ANK3: variants seen among roughly 807,000 people sequenced by gnomAD.
ANK3 encodes ankyrin 3.
Under a neutral mutation model 370.9 loss-of-function variants are expected in ANK3, and 57 were observed. The observed-to-expected ratio is 0.15, with a 90% confidence interval of 0.12 to 0.19. ANK3 has a LOEUF of 0.19. Ranked by LOEUF, ANK3 falls within the 10% of genes least tolerant of loss-of-function variation. The probability of loss-of-function intolerance (pLI) is 1.00; values close to 1 mark genes in which losing one functional copy is unlikely to be tolerated. For synonymous variants in ANK3, 1,929 were observed against 1,946.3 expected (o/e 0.99, Z 0.23); for missense variants, 4,439 against 5,302.1 (o/e 0.84, Z 5.06).
intron 1 of ANK3, among the ~76,000 whole-genome samples, chr10:60,373,280 G>C (rs1477707904): frequency 6.6e-6 from 1 of 152,178 alleles, no homozygotes; most frequent in Non-Finnish European, 1.5e-5. Context: ...GTGGGGAGAA[G>C]ATTTAAATGT....
intron 2 of ANK3, among the ~76,000 whole-genome samples, chr10:60,554,965 G>A (rs78431699): frequency 0.012 from 1,884 of 152,170 alleles, 42 homozygotes; most frequent in African/African-American, 0.042. Flanking sequence ...GATTCTCTCC[G>A]CAGAAATATT....
rs114682583 is a variant in ANK3 at position 60,452,484 on chromosome 10, G to A, written c.96+162702C>T. On this transcript the variant is annotated intron_variant, in intron 2 of 43. Transcript: ENST00000373827. ...TAGTATTATTGATACCCTATCTTCAGTGAACTAAAGAGGAACCTTAGAGAA... is the reference window on the plus strand; with the variant it reads ...TAGTATTATTGATACCCTATCTTCAATGAACTAAAGAGGAACCTTAGAGAA... Among the ~76,000 whole-genome samples the A allele has an allele frequency of 3.9e-3, 595 of 152,324 alleles. 5 individuals are homozygous for A. Among genetic ancestry groups the A allele is most frequent in the African/African-American group, 0.014 (566 of 41,570 alleles).
chr10:60,286,708 G>A (rs1429604892), intron 1 of ANK3, among the ~76,000 whole-genome samples: 1 of 152,130 alleles, frequency 6.6e-6, no homozygotes, highest in Non-Finnish European at 1.5e-5. Context: ...CCTGGCTTGT[G>A]ACTGTTGCTT....
At chr10:60,245,181 CA>C (rs147081355) in intron 7 of ANK3, among the ~76,000 whole-genome samples, 11 of 143,892 alleles carry the variant, frequency 7.6e-5, no homozygotes, top group East Asian at 4.1e-4. Flanking sequence ...AAACAAAAAA[CA>C]AAAAAAAAAC....
At chr10:60,379,254 TAC>T (rs1382002442) in intron 1 of ANK3, among the ~76,000 whole-genome samples, 2 of 152,190 alleles carry the variant, frequency 1.3e-5, no homozygotes, top group African/African-American at 4.8e-5. Flanking sequence ...GGAAATTTTA[TAC>T]ACTGTTGGTG....
At chr10:60,079,679 A>G (rs922642078) in intron 36 of ANK3, among the ~76,000 whole-genome samples, 2 of 152,186 alleles carry the variant, frequency 1.3e-5, no homozygotes, top group African/African-American at 4.8e-5. Context: ...GAGAATGGTT[A>G]AAGTGGCACC....
At chr10:60,064,051 G>C (rs1019455657) in intron 39 of ANK3, 106 bp downstream of exon 39, 73 of 1,092,464 alleles carry the variant, frequency 6.7e-5, no homozygotes, top group Non-Finnish European at 9.1e-5. Context: ...CTATATTAAA[G>C]ATTACAGAAA....
At chr10:60,416,077 C>G (rs1176893560) in intron 2 of ANK3, among the ~76,000 whole-genome samples, 1 of 151,766 alleles carries the variant, frequency 6.6e-6, no homozygotes, top group Non-Finnish European at 1.5e-5. Flanking sequence ...CAAGAAAGAC[C>G]CTCATCCTTT....
chr10:60,199,101 A>G (rs2096632650), intron 13 of ANK3, among the ~76,000 whole-genome samples: 1 of 152,078 alleles, frequency 6.6e-6, no homozygotes, highest in African/African-American at 2.4e-5. Context: ...ATCTGTCTAA[A>G]CTGGAGAGCC....
chr10:60,469,557 A>ATATGGTGG (rs1259368400), intron 2 of ANK3, among the ~76,000 whole-genome samples: 1 of 33,906 alleles, frequency 2.9e-5, no homozygotes, highest in Non-Finnish European at 5.3e-5. Context: ...GTATATATAT[A>ATATGGTGG]TATATATATA....
chr10:60,212,873 A>T (rs1350087253), intron 9 of ANK3, among the ~76,000 whole-genome samples: 6 of 151,256 alleles, frequency 4.0e-5, no homozygotes, highest in African/African-American at 1.5e-4. Flanking sequence ...TTTTACTATT[A>T]AAAAAAAGTC....
intron 1 of ANK3, among the ~76,000 whole-genome samples, chr10:60,332,679 G>T (rs2051664882): frequency 6.6e-6 from 1 of 152,062 alleles, no homozygotes; most frequent in African/African-American, 2.4e-5. Flanking sequence ...TTTGGGAAAG[G>T]CCAAAAATAA....
chr10:60,667,002 A>G (rs952783428), intron 1 of ANK3, among the ~76,000 whole-genome samples: 5 of 152,156 alleles, frequency 3.3e-5, no homozygotes, highest in Admixed American at 2.0e-4. Flanking sequence ...TGAACAATGA[A>G]TTCTTCATAT....
chr10:60,035,880 T>A (rs539026288), intron 43 of ANK3, among the ~76,000 whole-genome samples: 1 of 151,280 alleles, frequency 6.6e-6, no homozygotes, highest in Non-Finnish European at 1.5e-5. Flanking sequence ...AAAAATATTA[T>A]ATATTTTTAA....
At chr10:60,627,560 A>G (rs1253089284) in intron 1 of ANK3, among the ~76,000 whole-genome samples, 1 of 152,132 alleles carries the variant, frequency 6.6e-6, no homozygotes, top group Non-Finnish European at 1.5e-5. Flanking sequence ...AAAGACTACT[A>G]ATGTTATGTC....
chr10:60,676,013 G>T (rs1394853636), intron 1 of ANK3, among the ~76,000 whole-genome samples: 3 of 151,768 alleles, frequency 2.0e-5, no homozygotes, highest in African/African-American at 7.3e-5. Flanking sequence ...CTAAACACAG[G>T]CTCTCTTCAA....
intron 43 of ANK3, among the ~76,000 whole-genome samples, chr10:60,030,635 G>A (rs774257819): frequency 7.9e-5 from 12 of 152,084 alleles, no homozygotes; most frequent in Admixed American, 2.6e-4. Context: ...GAGCCTTGGC[G>A]TCACCCCATT....
chr10:60,512,279 C>T (rs2076105308), intron 2 of ANK3, among the ~76,000 whole-genome samples: 1 of 152,060 alleles, frequency 6.6e-6, no homozygotes, highest in Non-Finnish European at 1.5e-5. Flanking sequence ...TCACTAAAAA[C>T]CAACACTCTC....
intron 24 of ANK3, among the ~76,000 whole-genome samples, chr10:60,136,208 G>A (rs1220309487): frequency 1.3e-5 from 2 of 151,912 alleles, no homozygotes; most frequent in Non-Finnish European, 2.9e-5. Context: ...ACTCAACACT[G>A]TCCAACAGAA....
Sources: allele counts gnomAD v4.1 joint callset (sites outside exome capture counted in the v4.1 genomes callset), GRCh38; gene constraint gnomAD v4.1.1; transcripts MANE v1.5; gene names NCBI Gene and HGNC (gene_info 2026-07-23, HGNC 2026-07-21).